Variants in DOK5 observed in about 807,000 individuals in gnomAD.
The protein encoded by DOK5 is downstream of tyrosine kinase 5.
In DOK5, 27 loss-of-function variants were observed where a neutral mutation model predicts 43.3. The observed-to-expected ratio is 0.62, with a 90% confidence interval of 0.46 to 0.86. DOK5 has a LOEUF of 0.86. Ranked by LOEUF, DOK5 falls within the 40% of genes least tolerant of loss-of-function variation. DOK5 has a pLI of 0.00. For synonymous variants in DOK5, 146 were observed against 140.1 expected, an observed-to-expected ratio of 1.04 and a Z score of -0.30; for missense variants, 373 against 392.9, an observed-to-expected ratio of 0.95 and a Z score of 0.43.
intron 6 of DOK5, among the ~76,000 whole-genome samples, chr20:54,630,848 A>C (rs1978530409): frequency 1.3e-5 from 2 of 152,234 alleles, no homozygotes; most frequent in African/African-American, 2.4e-5. Context: ...GTAATATGCA[A>C]ATTAAAATGA....
intron 2 of DOK5, among the ~76,000 whole-genome samples, chr20:54,560,212 A>G (rs6014056): frequency 0.23 from 34,730 of 152,108 alleles, 5,860 homozygotes; most frequent in African/African-American, 0.49. Flanking sequence ...CTTCCGATAC[A>G]GCTGTCTATA....
chr20:54,479,783 T>G (rs544721888), intron 1 of DOK5, among the ~76,000 whole-genome samples: 2 of 152,290 alleles, frequency 1.3e-5, no homozygotes, highest in Admixed American at 1.3e-4. Flanking sequence ...CTCACAGACC[T>G]GCTGCTCCTA....
intron 6 of DOK5, among the ~76,000 whole-genome samples, chr20:54,627,185 AAAAC>A (rs1302181780): frequency 1.3e-5 from 2 of 152,216 alleles, no homozygotes; most frequent in Non-Finnish European, 2.9e-5. Flanking sequence ...CTGAAAATAA[AAAAC>A]AAAACAACAC....
At chr20:54,617,696 C>T (rs1483120187) in intron 6 of DOK5, among the ~76,000 whole-genome samples, 1 of 152,208 alleles carries the variant, frequency 6.6e-6, no homozygotes, top group Non-Finnish European at 1.5e-5. Flanking sequence ...GGTATGCCCA[C>T]CAGGAGGATG....
At chr20:54,584,477 T>C (rs1442360425) in intron 2 of DOK5, among the ~76,000 whole-genome samples, 1 of 151,676 alleles carries the variant, frequency 6.6e-6, no homozygotes, top group Non-Finnish European at 1.5e-5. Context: ...TATGTTATCA[T>C]TGTAACAAAT....
intron 1 of DOK5, among the ~76,000 whole-genome samples, chr20:54,552,412 A>G (rs1008012728): frequency 6.6e-6 from 1 of 151,926 alleles, no homozygotes; most frequent in Non-Finnish European, 1.5e-5. Context: ...TGTATTATAG[A>G]TGTAGTATAA....
intron 6 of DOK5, among the ~76,000 whole-genome samples, chr20:54,619,904 T>C (rs1239015770): frequency 1.3e-5 from 2 of 152,186 alleles, no homozygotes; most frequent in Non-Finnish European, 2.9e-5. Flanking sequence ...GACACTAAAG[T>C]AGACCCTCGC....
chr20:54,507,247 C>A (rs1982844429), intron 1 of DOK5, among the ~76,000 whole-genome samples: 1 of 151,990 alleles, frequency 6.6e-6, no homozygotes, highest in African/African-American at 2.4e-5. Context: ...GAGGTAATAA[C>A]TACATAGAAA....
chr20:54,591,745 C>G lies in DOK5; in HGVS notation c.539C>G (p.Pro180Arg). The change falls in exon 5 of 8, where the codon CCG (proline) becomes CGG (arginine). Residue 180 changes from proline (P) to arginine (R), a missense_variant. Physicochemically the swap from Pro to Arg is moderately radical, Grantham distance 103. Coordinates refer to ENST00000262593, the MANE Select transcript of DOK5 (RefSeq NM_018431.5). ...CCCAGAGTCAAACTCATCTCTTGGC[C>G]GCTAAGCGCCCTGCGGCGGTATGGA... ...QNPRVKLISW[P>R]LSALRRYGRD... is the part of the protein sequence containing the mutation. The G allele has an allele frequency of 1.2e-6, 2 of 1,614,202 alleles. No homozygotes were observed. Among genetic ancestry groups the G allele is most frequent in the South Asian group, 2.2e-5 (2 of 91,090 alleles).
chr20:54,475,924 G>GT lies in DOK5; in HGVS notation c.-23_-22insT. 9.5e-6 allele frequency: 15 copies of GT among 1,578,770 alleles called. No homozygotes were observed. The highest frequency in any genetic ancestry group is 1.3e-5 in the Non-Finnish European group (15 of 1,165,532). ...CTTCGGGTGCGCGCTCTTGGGTAAA[G>GT]GGGGGGTCACCGGCTGTCTGGGATG... is the stretch of plus-strand genomic sequence containing the variant. On this transcript the variant is annotated 5_prime_UTR_variant, in exon 1 of 8. Transcript: ENST00000262593. The surrounding 1 kb of genome is among the most constrained non-coding windows in gnomAD (Gnocchi z 4.2).
intron 1 of DOK5, among the ~76,000 whole-genome samples, chr20:54,527,141 G>T (rs1039553966): frequency 4.0e-5 from 6 of 151,610 alleles, no homozygotes; most frequent in African/African-American, 1.5e-4. Flanking sequence ...TGAAAACATG[G>T]ATTTTGAATG....
intron 6 of DOK5, among the ~76,000 whole-genome samples, chr20:54,633,580 A>G (rs969286443): frequency 6.6e-6 from 1 of 152,188 alleles, no homozygotes; most frequent in Non-Finnish European, 1.5e-5. Context: ...TCAGGCGTGG[A>G]TGTGGCTTCT....
At chr20:54,528,257 G>A (rs1177030624) in intron 1 of DOK5, among the ~76,000 whole-genome samples, 1 of 152,090 alleles carries the variant, frequency 6.6e-6, no homozygotes, top group African/African-American at 2.4e-5. Flanking sequence ...TAAATAGGAA[G>A]ATAGAATTAT....
At chr20:54,584,087 T>C (rs1364293108) in intron 2 of DOK5, among the ~76,000 whole-genome samples, 1 of 151,894 alleles carries the variant, frequency 6.6e-6, no homozygotes, top group Non-Finnish European at 1.5e-5. Flanking sequence ...GAGGCAGAGG[T>C]TAGCTGAGAT....
intron 1 of DOK5, among the ~76,000 whole-genome samples, chr20:54,478,310 TG>T (rs1239535649): frequency 6.6e-6 from 1 of 152,214 alleles, no homozygotes; most frequent in Non-Finnish European, 1.5e-5. Flanking sequence ...GGAATTGGCA[TG>T]GGGACCCTAT....
intron 7 of DOK5, among the ~76,000 whole-genome samples, chr20:54,647,329 A>T (rs1401127925): frequency 6.6e-6 from 1 of 152,022 alleles, no homozygotes; most frequent in African/African-American, 2.4e-5. Context: ...ACATGGTGAA[A>T]CCCCACCTCT....
chr20:54,590,124 C>G (rs1449998654), intron 4 of DOK5, among the ~76,000 whole-genome samples: 4 of 152,156 alleles, frequency 2.6e-5, no homozygotes, highest in African/African-American at 9.7e-5. Context: ...GAAGCAGTAT[C>G]CTGACAGCAC....
chr20:54,638,974 C>A (rs1433879924), intron 6 of DOK5, among the ~76,000 whole-genome samples: 2 of 152,044 alleles, frequency 1.3e-5, no homozygotes, highest in Admixed American at 1.3e-4. Flanking sequence ...AGCCACTGCG[C>A]CCAGCCACAC....
intron 2 of DOK5, among the ~76,000 whole-genome samples, chr20:54,563,063 G>A (rs1472305299): frequency 6.6e-6 from 1 of 152,162 alleles, no homozygotes; most frequent in Non-Finnish European, 1.5e-5. Context: ...AGACACTGGA[G>A]TGATACAATT....
Sources: gnomAD v4.1 joint callset for allele counts (sites outside exome capture counted in the v4.1 genomes callset) on GRCh38, gnomAD v4.1.1 for gene constraint, Gnocchi (gnomAD v3.1) non-coding constraint, MANE v1.5 for transcripts, NCBI Gene and HGNC (gene_info 2026-07-23, HGNC 2026-07-21) for gene names.